PMPCB: variants seen among roughly 807,000 people sequenced by gnomAD.
PMPCB encodes peptidase, mitochondrial processing subunit beta.
PMPCB carries 46 observed loss-of-function variants against 61.5 expected under a neutral mutation model. The observed-to-expected ratio is 0.75, with a 90% confidence interval of 0.59 to 0.96. The LOEUF is 0.96. Among genes scored for constraint, PMPCB ranks in the 40% least tolerant of loss-of-function variants. PMPCB has a pLI of 0.00. For synonymous variants in PMPCB, 191 were observed against 201.6 expected, an observed-to-expected ratio of 0.95 and a Z score of 0.44; for missense variants, 590 against 602.4, an observed-to-expected ratio of 0.98 and a Z score of 0.22.
At chr7:103,318,280 C>A (rs952661466), downstream of PMPCB, among the ~76,000 whole-genome samples, 1 of 152,162 alleles carries the variant, frequency 6.6e-6, no homozygotes, top group Admixed American at 6.5e-5. Context: ...ATCCTCTAAC[C>A]TCAGCCTCCT....
chr7:103,344,029 A>G, the PMPCB span, among the ~76,000 whole-genome samples: 2 of 152,382 alleles, frequency 1.3e-5, no homozygotes, highest in Non-Finnish European at 2.9e-5. Context: ...TTCACTTGTA[A>G]TAACTGCCTT....
intron 9 of PMPCB, 156 bp downstream of exon 9, chr7:103,310,631 T>C: frequency 2.0e-6 from 1 of 512,604 alleles, no homozygotes; most frequent in Non-Finnish European, 3.3e-6. Context: ...TTGCAGTTGG[T>C]TTTTCCTAAG....
At position 103,303,909 on chromosome 7, in the gene PMPCB, T is replaced by G; in HGVS notation, c.525T>G (p.Arg175=). 6.2e-7 allele frequency: 1 copy of G among 1,613,976 alleles called. No individual in the cohort carries two copies. Among genetic ancestry groups the G allele is most frequent in the Non-Finnish European group, 8.5e-7 (1 of 1,179,834 alleles). Residue 175 remains arginine (R), a synonymous_variant, in exon 5 of 13, where the codon CGT becomes CGG. Transcript: ENST00000249269. ...GAGAAGCAGAGATTGAACGTGAGCG[T>G]GGAGTAATCCTTAGAGAGATGCAGG... The part of the protein sequence containing the change: ...TLGEAEIERE[R]GVILREMQEV...
At chr7:103,304,365 G>T (rs749887444) in intron 5 of PMPCB, 46 bp from the exon 6 acceptor site, 75 of 931,938 alleles carry the variant, frequency 8.0e-5, no homozygotes, top group Non-Finnish European at 7.6e-5. Flanking sequence ...GTGAAGATCT[G>T]TTTTTTTTTT....
chr7:103,310,674 A>AT (rs377252653), intron 9 of PMPCB, 199 bp downstream of exon 9: 11,063 of 158,462 alleles, frequency 0.07, 393 homozygotes, highest in South Asian at 0.12. Context: ...ATACTATAGA[A>AT]TTTTTTTTTT....
At chr7:103,341,817 A>G in the PMPCB span, 2 of 1,609,522 alleles carry the variant, frequency 1.2e-6, no homozygotes, top group East Asian at 2.2e-5. Flanking sequence ...TCCAACTGCA[A>G]TTCTTCATCT....
chr7:103,310,328 A>G lies in PMPCB; in HGVS notation c.1007A>G (p.Lys336Arg), dbSNP rs755545589. The G allele has an allele frequency of 1.2e-5, 20 of 1,612,204 alleles. No individual in the cohort carries two copies. Among genetic ancestry groups the G allele is most frequent in the South Asian group, 3.3e-5 (3 of 90,536 alleles). ...TTTTCCTTGCAGAATTTATCTAGCAAGCTGGCCCAGCTCACTTGTCATGGC... is the reference window on the plus strand; with the variant it reads ...TTTTCCTTGCAGAATTTATCTAGCAGGCTGGCCCAGCTCACTTGTCATGGC... ...SFGGGMNLSSKLAQLTCHGNL... is the reference protein window; with the variant it reads ...SFGGGMNLSSRLAQLTCHGNL... Residue 336 changes from lysine (K) to arginine (R), a missense_variant, in exon 9 of 13, where the codon AAG becomes AGG. Lys to Arg is a conservative substitution (Grantham distance 26). Transcript: ENST00000249269.
At chr7:103,322,272 T>C (rs1441510264) in intron 12 of PMPCB, among the ~76,000 whole-genome samples, 5 of 152,116 alleles carry the variant, frequency 3.3e-5, no homozygotes, top group Admixed American at 1.3e-4. Context: ...AAATGTAAAA[T>C]TGACATATTA....
At chr7:103,329,098 T>C in exon 13 of PMPCB, 1 of 662,852 alleles carries the variant, frequency 1.5e-6, no homozygotes, top group South Asian at 1.8e-5. Flanking sequence ...AATTTTTTTG[T>C]TTTTCATCCT....
At chr7:103,342,065 C>G in the PMPCB span, 1 of 750,288 alleles carries the variant, frequency 1.3e-6, no homozygotes, top group African/African-American at 1.8e-5. Context: ...CCAGCATATA[C>G]TTTTAAAACC....
At position 103,313,691 on chromosome 7, in the gene PMPCB, C is replaced by T. The variant is rs1438124673; in HGVS notation, c.*1420C>T. On this transcript the variant is annotated 3_prime_UTR_variant, in exon 13 of 13. Transcript: ENST00000249269. ...TCACATCTGCTAAAATCTTGGGAGC[C>T]GATGCTGAACACTTCCAATAACTGC... is the stretch of plus-strand genomic sequence containing the variant. The T allele has an allele frequency of 2.0e-5, 20 of 985,340 alleles. No individual in the cohort carries two copies. The highest frequency in any genetic ancestry group is 2.0e-5 in the Non-Finnish European group (17 of 829,892). 61.0% of individuals were successfully genotyped at this position (985,340 alleles called of 1,614,324 possible).
At chr7:103,344,054 G>A in the PMPCB span, among the ~76,000 whole-genome samples, 110 of 152,216 alleles carry the variant, frequency 7.2e-4, no homozygotes, top group Admixed American at 2.9e-3. Flanking sequence ...AGTCTACGCG[G>A]ATCTTTTCAG....
Position 103,313,764 on chromosome 7 carries a change from GAT to G in PMPCB, c.*1494_*1495del, listed in dbSNP as rs1817891671. On this transcript the variant is annotated 3_prime_UTR_variant, in exon 13 of 13. Coordinates refer to ENST00000249269, the MANE Select transcript of PMPCB (RefSeq NM_004279.3). ...CTTGTATATTTCAGAAAACATCTAA[GAT>G]GTGTGTCAGAAACAAATATGTTTCT... 1 of 985,088 alleles carries G rather than the reference GAT, an allele frequency of 1.0e-6. No homozygotes were observed. The highest frequency in any genetic ancestry group is 1.2e-6 in the Non-Finnish European group (1 of 829,726). The allele number at this position is 985,088 out of a possible 1,614,324, so 61.0% of individuals were successfully genotyped here.
At chr7:103,311,354 T>TC (rs1233011730) in intron 9 of PMPCB, 7 of 412,788 alleles carry the variant, frequency 1.7e-5, no homozygotes, top group African/African-American at 6.2e-5. Flanking sequence ...CATATCAGAC[T>TC]CCAACAGATG....
Position 103,298,739 on chromosome 7 carries a change from A to T in PMPCB, c.240+31A>T, listed in dbSNP as rs1039607252. The T allele has an allele frequency of 5.0e-6, 8 of 1,596,996 alleles. No individual in the cohort carries two copies. In the Admixed American group the frequency reaches 7.0e-5, roughly 14 times the overall value. On this transcript the variant is annotated intron_variant, in intron 2 of 12. Coordinates refer to ENST00000249269, the MANE Select transcript of PMPCB (RefSeq NM_004279.3). ...TGACTCAGGCAACCTTCTCTAAGTG[A>T]CCCTTCATTTAGCGTAGCAAATTGT...
chr7:103,305,680 C>T (rs1817557190), intron 6 of PMPCB, among the ~76,000 whole-genome samples: 1 of 152,202 alleles, frequency 6.6e-6, no homozygotes, highest in South Asian at 2.1e-4. Context: ...GGATTGATTT[C>T]TGAGCTAAGT....
Position 103,297,465 on chromosome 7 carries a change from G to T in PMPCB, c.6G>T (p.Ala2=). 7 of 1,542,660 alleles carry T rather than the reference G, an allele frequency of 4.5e-6. No individual in the cohort carries two copies. Among genetic ancestry groups the T allele is most frequent in the Non-Finnish European group, 6.1e-6 (7 of 1,144,064 alleles). Residue 2 remains alanine (A), a synonymous_variant, in exon 1 of 13, where the codon GCG becomes GCT. Transcript: ENST00000249269. The stretch of plus-strand genomic sequence containing the variant: ...CTACCTTCCTTCTAGCAGAAATGGC[G>T]GCTGCGGCGGCTCGAGTGGTGTTGT... M[A]AAAARVVLSS...
chr7:103,322,595 GA>G (rs1818480434), intron 12 of PMPCB: 1 of 1,611,150 alleles, frequency 6.2e-7, no homozygotes, highest in Non-Finnish European at 8.5e-7. Flanking sequence ...CTTCTTCCTT[GA>G]ACTTTTTTAT....
chr7:103,337,837 C>A, the PMPCB span: 19 of 1,580,640 alleles, frequency 1.2e-5, no homozygotes, highest in Non-Finnish European at 1.6e-5. Flanking sequence ...AAAAGGGAGT[C>A]AAATTTGAAA....
Sources: allele counts gnomAD v4.1 joint callset (sites outside exome capture counted in the v4.1 genomes callset), GRCh38; gene constraint gnomAD v4.1.1; transcripts MANE v1.5; gene names NCBI Gene and HGNC (gene_info 2026-07-23, HGNC 2026-07-21).